Variants in ERC2 observed in about 807,000 individuals in gnomAD.
ERC2 encodes ERC protein 2.
In ERC2, 42 loss-of-function variants were observed where a neutral mutation model predicts 114.8. The ratio of observed to expected loss-of-function variants is 0.37; its 90% CI spans 0.29 to 0.47. ERC2 has a LOEUF of 0.47. ERC2 is among the 20% of genes least tolerant of loss of function. ERC2 has a pLI of 0.99. For missense variants in ERC2, 939 were observed against 1,150.7 expected, an observed-to-expected ratio of 0.82 and a Z score of 2.66; for synonymous variants, 454 against 425.5, an observed-to-expected ratio of 1.07 and a Z score of -0.82.
chr3:55,981,796 C>A (rs1424301081), intron 12 of ERC2, among the ~76,000 whole-genome samples: 1 of 152,146 alleles, frequency 6.6e-6, no homozygotes, highest in African/African-American at 2.4e-5. Flanking sequence ...GACATGACAT[C>A]CAGTGTAGAC....
intron 1 of ERC2, among the ~76,000 whole-genome samples, chr3:56,438,928 G>A (rs2062156407): frequency 6.6e-6 from 1 of 152,202 alleles, no homozygotes. Context: ...AACATGAAAA[G>A]ATGTATTATC....
intron 10 of ERC2, among the ~76,000 whole-genome samples, chr3:55,998,321 C>T (rs1221493193): frequency 2.6e-5 from 4 of 152,014 alleles, no homozygotes; most frequent in African/African-American, 9.7e-5. Flanking sequence ...CCAAACAAAA[C>T]TGTAATTATT....
intron 6 of ERC2, among the ~76,000 whole-genome samples, chr3:56,083,715 TA>T (rs535263383): frequency 2.2e-4 from 33 of 152,028 alleles, no homozygotes; most frequent in Non-Finnish European, 3.5e-4. Context: ...GGGGGTTGGA[TA>T]AGGTTCCCAT....
intron 14 of ERC2, among the ~76,000 whole-genome samples, chr3:55,817,993 C>T (rs2059970491): frequency 6.6e-6 from 1 of 152,180 alleles, no homozygotes; most frequent in Non-Finnish European, 1.5e-5. Flanking sequence ...ATTGACCTTT[C>T]GAGCCAGCCA....
chr3:55,735,113 T>A (rs2065545243), intron 14 of ERC2, among the ~76,000 whole-genome samples, 195 bp from the exon 15 acceptor site: 1 of 152,206 alleles, frequency 6.6e-6, no homozygotes, highest in Non-Finnish European at 1.5e-5. Flanking sequence ...GACTGCACAC[T>A]GCAGCCACTG....
chr3:55,719,614 G>A (rs2064330663), intron 15 of ERC2, among the ~76,000 whole-genome samples: 1 of 152,176 alleles, frequency 6.6e-6, no homozygotes, highest in Admixed American at 6.5e-5. Context: ...AGGCAACTGG[G>A]ACATTTGCTC....
chr3:56,183,518 T>A (rs1344089342), intron 3 of ERC2, among the ~76,000 whole-genome samples: 1 of 152,214 alleles, frequency 6.6e-6, no homozygotes, highest in Non-Finnish European at 1.5e-5. Flanking sequence ...CTTTAATGAT[T>A]ATTAGTGTTC....
At chr3:55,609,645 T>A (rs1454322092) in intron 17 of ERC2, among the ~76,000 whole-genome samples, 1 of 152,044 alleles carries the variant, frequency 6.6e-6, no homozygotes, top group African/African-American at 2.4e-5. Context: ...ACAGCTTGGG[T>A]AGGCTCCATT....
chr3:55,845,510 A>C (rs2061326328), intron 14 of ERC2, among the ~76,000 whole-genome samples: 1 of 149,632 alleles, frequency 6.7e-6, no homozygotes, highest in African/African-American at 2.5e-5. Flanking sequence ...TCTCAAAAAA[A>C]AAAAAAAAAA....
chr3:56,315,822 T>C (rs1410516105), intron 2 of ERC2, among the ~76,000 whole-genome samples: 2 of 151,448 alleles, frequency 1.3e-5, no homozygotes, highest in East Asian at 3.9e-4. Flanking sequence ...CCAACAGGGA[T>C]ATAAAGAAAG....
At position 56,305,262 on chromosome 3, in the gene ERC2, ATGCT is replaced by A. The variant is rs1039145859; in HGVS notation, c.658-8831_658-8828del. 1.9e-4 allele frequency among the ~76,000 whole-genome samples: 29 copies of A among 152,094 alleles called. 1 individual carries two copies. Among genetic ancestry groups the A allele is most frequent in the Non-Finnish European group, 5.9e-5 (4 of 68,022 alleles). The stretch of plus-strand genomic sequence containing the variant: ...AAAAACAATCCACAGTTGAGAGATG[ATGCT>A]TGCAATACATTAAAATGACAAAAAA... On this transcript the variant is annotated intron_variant, in intron 2 of 17. Transcript: ENST00000288221.
chr3:56,001,752 A>G (rs747919973), intron 10 of ERC2, among the ~76,000 whole-genome samples: 21 of 152,154 alleles, frequency 1.4e-4, no homozygotes, highest in Non-Finnish European at 2.5e-4. Flanking sequence ...TGCTGCAGGA[A>G]CAAGGCTCTC....
At chr3:56,259,694 A>C (rs1047471484) in intron 3 of ERC2, among the ~76,000 whole-genome samples, 1 of 144,156 alleles carries the variant, frequency 6.9e-6, no homozygotes, top group East Asian at 2.1e-4. Context: ...GATATGATAT[A>C]TGATTCTGAA....
At chr3:56,056,190 G>A (rs1306092245) in intron 7 of ERC2, among the ~76,000 whole-genome samples, 2 of 152,170 alleles carry the variant, frequency 1.3e-5, no homozygotes, top group Non-Finnish European at 2.9e-5. Context: ...TCCTTCATCT[G>A]GAGACAAATG....
At chr3:56,394,758 C>G (rs1031065352) in intron 2 of ERC2, among the ~76,000 whole-genome samples, 1 of 152,168 alleles carries the variant, frequency 6.6e-6, no homozygotes, top group Admixed American at 6.6e-5. Context: ...CCCTTTTACA[C>G]TGCTGGTGGA....
intron 5 of ERC2, among the ~76,000 whole-genome samples, chr3:56,145,456 G>T (rs1384182687): frequency 6.6e-6 from 1 of 152,180 alleles, no homozygotes; most frequent in East Asian, 1.9e-4. Flanking sequence ...ATTCTCCGAG[G>T]TTTAATGGAG....
chr3:56,310,011 A>G (rs997379760), intron 2 of ERC2, among the ~76,000 whole-genome samples: 6 of 152,210 alleles, frequency 3.9e-5, no homozygotes, highest in East Asian at 1.9e-4. Flanking sequence ...TTTAAGACCA[A>G]TTCGAAGATG....
chr3:55,954,951 T>C (rs2067836300), intron 12 of ERC2, among the ~76,000 whole-genome samples: 1 of 152,000 alleles, frequency 6.6e-6, no homozygotes, highest in African/African-American at 2.4e-5. Flanking sequence ...AGAAATTAAG[T>C]ATATTCATAA....
chr3:55,845,671 A>T (rs1408558025), intron 14 of ERC2, among the ~76,000 whole-genome samples: 1 of 152,246 alleles, frequency 6.6e-6, no homozygotes, highest in Non-Finnish European at 1.5e-5. Flanking sequence ...TGAATTACTT[A>T]GAATCCATTT....
Sources: gnomAD v4.1 joint callset for allele counts (sites outside exome capture counted in the v4.1 genomes callset) on GRCh38, gnomAD v4.1.1 for gene constraint, MANE v1.5 for transcripts, NCBI Gene and HGNC (gene_info 2026-07-23, HGNC 2026-07-21) for gene names.